PCDHGB3: variants seen among roughly 807,000 people sequenced by gnomAD.
PCDHGB3 encodes protocadherin gamma-B3.
A neutral mutation model predicts 59.2 loss-of-function variants in PCDHGB3; 40 were observed. That is an observed-to-expected ratio of 0.68 (90% CI 0.52 to 0.88). PCDHGB3 has a LOEUF of 0.88. Among genes scored for constraint, PCDHGB3 ranks in the 40% least tolerant of loss-of-function variants. PCDHGB3 has a pLI of 0.00. For synonymous variants in PCDHGB3, 581 were observed against 503.6 expected (o/e 1.15, Z -2.06); for missense variants, 1,309 against 1,187.9 (o/e 1.10, Z -1.50).
chr5:141,491,254 G>A lies in PCDHGB3; in HGVS notation c.2416-3553G>A, dbSNP rs746242389. ...GCTGGTTCTGGAGGATGAGGACCCT[G>A]AGGAAATGCCCAAATCCAGTGACTT... is the stretch of plus-strand genomic sequence containing the variant. On this transcript the variant is annotated intron_variant, in intron 1 of 3. Coordinates refer to ENST00000576222, the MANE Select transcript of PCDHGB3 (RefSeq NM_018924.5). This position sits in a 1 kb window ranked among gnomAD's most constrained non-coding sequence, Gnocchi z 6.9. 24 of 1,614,198 alleles carry A rather than the reference G, an allele frequency of 1.5e-5. No individual in the cohort carries two copies. The highest frequency in any genetic ancestry group is 2.0e-5 in the Non-Finnish European group (24 of 1,180,018).
intron 1 of PCDHGB3, among the ~76,000 whole-genome samples, chr5:141,459,619 A>G (rs995987344): frequency 6.6e-6 from 1 of 152,238 alleles, no homozygotes; most frequent in Non-Finnish European, 1.5e-5. Context: ...TTAACTTTAT[A>G]AGAAGCTGCC....
intron 1 of PCDHGB3, chr5:141,423,297 C>T: frequency 1.9e-6 from 3 of 1,614,170 alleles, no homozygotes; most frequent in South Asian, 1.1e-5. Flanking sequence ...CCTCAGACCT[C>T]TCGCTGTACT....
chr5:141,502,884 A>T (rs2099816871), intron 2 of PCDHGB3, among the ~76,000 whole-genome samples: 1 of 36,804 alleles, frequency 2.7e-5, no homozygotes, highest in African/African-American at 3.5e-4. Context: ...TTTTTTTGAC[A>T]GGGAGTCTAG....
rs760095389 is a variant in PCDHGB3, at chr5:141,486,731, A to G, written c.2416-8076A>G. On this transcript the variant is annotated intron_variant, in intron 1 of 3. Transcript: ENST00000576222. The surrounding 1 kb of genome is among the most constrained non-coding windows in gnomAD (Gnocchi z 5.0). ...CCCCCAGACAGGAGCTGTTCATGCT[A>G]CTCGATCCTTTGACTATGAGCAAAC... The G allele has an allele frequency of 6.2e-7, 1 of 1,614,060 alleles. No individual in the cohort carries two copies. Among genetic ancestry groups the G allele is most frequent in the Non-Finnish European group, 8.5e-7 (1 of 1,180,012 alleles).
intron 2 of PCDHGB3, among the ~76,000 whole-genome samples, chr5:141,496,054 G>A (rs180707408): frequency 6.6e-6 from 1 of 150,988 alleles, no homozygotes; most frequent in Admixed American, 6.6e-5. Context: ...TTTTGTGCTT[G>A]TGGGCAAGCC....
chr5:141,422,131 G>T (rs747294750), intron 1 of PCDHGB3: 3 of 1,598,182 alleles, frequency 1.9e-6, no homozygotes, highest in Non-Finnish European at 2.6e-6. Context: ...AACTGGAGAA[G>T]TTCAAGTACG....
intron 1 of PCDHGB3, chr5:141,377,280 AT>A (rs1037514714): frequency 2.0e-5 from 3 of 151,272 alleles, no homozygotes; most frequent in East Asian, 1.9e-4. Context: ...GGGAAAAAAA[AT>A]AACCTTAATT....
At chr5:141,387,570 A>T (rs1490079513) in intron 1 of PCDHGB3, 4 of 455,052 alleles carry the variant, frequency 8.8e-6, no homozygotes, top group Non-Finnish European at 1.2e-5. Flanking sequence ...CACAATTATA[A>T]TTATTGCACT....
intron 1 of PCDHGB3, among the ~76,000 whole-genome samples, chr5:141,458,663 G>A (rs1045303205): frequency 2.6e-5 from 4 of 151,804 alleles, no homozygotes; most frequent in Admixed American, 6.6e-5. Context: ...TCCACCTCTC[G>A]GGTTCAAGCA....
rs373931690 is a variant in PCDHGB3, at chr5:141,370,460, C to T, written c.66C>T (p.Leu22=). 6.2e-7 allele frequency: 1 copy of T among 1,612,562 alleles called. No homozygotes were observed. The highest frequency in any genetic ancestry group is 8.5e-7 in the Non-Finnish European group (1 of 1,179,302). The change falls in exon 1 of 4, where the codon CTC becomes CTT. Residue 22 remains leucine, a synonymous_variant. Coordinates refer to ENST00000576222, the MANE Select transcript of PCDHGB3 (RefSeq NM_018924.5). ...GQRRMLFLFL[L]SLLDQALSEP... ...GGCGAATGCTATTTCTCTTCCTGCT[C>T]TCTTTGTTAGACCAGGCTCTCTCCG...
At chr5:141,495,419 C>A (rs1434107823) in intron 2 of PCDHGB3, among the ~76,000 whole-genome samples, 1 of 152,228 alleles carries the variant, frequency 6.6e-6, no homozygotes, top group Non-Finnish European at 1.5e-5. Context: ...CCGGCCCCTC[C>A]TCCCACTGTC....
intron 1 of PCDHGB3, chr5:141,385,017 C>T: frequency 6.2e-7 from 1 of 1,614,188 alleles, no homozygotes; most frequent in Non-Finnish European, 8.5e-7. Context: ...TCTTCCTAGC[C>T]TTCGTCCTCG....
chr5:141,421,467 G>T (rs1436543181), intron 1 of PCDHGB3: 1 of 1,614,132 alleles, frequency 6.2e-7, no homozygotes, highest in South Asian at 1.1e-5. Flanking sequence ...CTGTGAATCC[G>T]CGAAGCGGCA....
At position 141,486,059 on chromosome 5, in the gene PCDHGB3, C is replaced by T. The variant is rs141349392; in HGVS notation, c.2416-8748C>T. ...TCGTGTAAGAAACCTCTTTAGCCTG[C>T]ACCCCACTACTGGAAAGCTTACTCT... On this transcript the variant is annotated intron_variant, in intron 1 of 3. Transcript: ENST00000576222. The surrounding 1 kb of genome is among the most constrained non-coding windows in gnomAD (Gnocchi z 5.0). The T allele has an allele frequency of 9.0e-5, 146 of 1,614,034 alleles. No individual in the cohort carries two copies. The highest frequency in any genetic ancestry group is 1.2e-4 in the Non-Finnish European group (138 of 1,180,018).
At chr5:141,376,221 C>G in intron 1 of PCDHGB3, 4 of 1,614,216 alleles carry the variant, frequency 2.5e-6, no homozygotes, top group Non-Finnish European at 3.4e-6. Context: ...GTGCTGCTGG[C>G]GCTCAGACTG....
intron 2 of PCDHGB3, among the ~76,000 whole-genome samples, chr5:141,495,407 C>T: frequency 6.6e-6 from 1 of 152,218 alleles, no homozygotes; most frequent in East Asian, 1.9e-4. Flanking sequence ...AGGCCCCCTT[C>T]TCCGGCCCCT....
chr5:141,477,298 T>C lies in PCDHGB3; in HGVS notation c.2416-17509T>C. ...TGGTGACCTGCGAAGTTCCACCGGG[T>C]CTCCCTTTCAGCCTTACTTCTTCCC... On this transcript the variant is annotated intron_variant, in intron 1 of 3. Coordinates refer to ENST00000576222, the MANE Select transcript of PCDHGB3 (RefSeq NM_018924.5). This position sits in a 1 kb window ranked among gnomAD's most constrained non-coding sequence, Gnocchi z 4.9. 1 of 1,613,344 alleles carries C rather than the reference T, an allele frequency of 6.2e-7. No individual in the cohort carries two copies. Among genetic ancestry groups the C allele is most frequent in the Non-Finnish European group, 8.5e-7 (1 of 1,179,870 alleles).
chr5:141,470,658 G>T lies in PCDHGB3; in HGVS notation c.2416-24149G>T, dbSNP rs527415532. Among the ~76,000 whole-genome samples the T allele has an allele frequency of 4.7e-3, 721 of 152,024 alleles. 9 individuals carry two copies. The highest frequency in any genetic ancestry group is 6.7e-3 in the Non-Finnish European group (452 of 67,944). On this transcript the variant is annotated intron_variant, in intron 1 of 3. Transcript: ENST00000576222. ...CTTGCTTTGAAGGCCCCTACCCTTT[G>T]GTTAGGGCTCTGCTGTTACCATCTT... is the stretch of plus-strand genomic sequence containing the variant.
At chr5:141,479,975 C>A (rs1459297521) in intron 1 of PCDHGB3, among the ~76,000 whole-genome samples, 1 of 152,186 alleles carries the variant, frequency 6.6e-6, no homozygotes, top group East Asian at 1.9e-4. Context: ...TGAGGTTCTA[C>A]CATTTACCAA....
Sources: gnomAD v4.1 joint callset for allele counts (sites outside exome capture counted in the v4.1 genomes callset) on GRCh38, gnomAD v4.1.1 for gene constraint, Gnocchi (gnomAD v3.1) non-coding constraint, MANE v1.5 for transcripts, NCBI Gene and HGNC (gene_info 2026-07-23, HGNC 2026-07-21) for gene names.